The following AFTPH variants were observed in gnomAD, a reference collection of about 807,000 sequenced individuals.
AFTPH encodes aftiphilin protein.
A neutral mutation model predicts 72.5 loss-of-function variants in AFTPH; 7 were observed. The ratio of observed to expected loss-of-function variants is 0.10; its 90% confidence interval spans 0.05 to 0.18. The LOEUF (loss-of-function observed/expected upper bound fraction) is 0.18. Among genes scored for constraint, AFTPH ranks in the 10% least tolerant of loss-of-function variants. The probability of loss-of-function intolerance (pLI) is 1.00; values close to 1 mark genes in which losing one functional copy is unlikely to be tolerated. For missense variants in AFTPH, 979 were observed against 1,060.5 expected, an observed-to-expected ratio of 0.92 and a Z score of 1.07; for synonymous variants, 337 against 370.1, an observed-to-expected ratio of 0.91 and a Z score of 1.03.
intron 3 of AFTPH, among the ~76,000 whole-genome samples, chr2:64,568,261 T>C (rs1408978236): frequency 6.6e-6 from 1 of 151,816 alleles, no homozygotes; most frequent in African/African-American, 2.4e-5. Flanking sequence ...TAATTTCTTA[T>C]TTGGCATTTT....
At position 64,570,534 on chromosome 2, in the gene AFTPH, T is replaced by G. The variant is rs556676567; in HGVS notation, c.2271+855T>G. 7.9e-5 allele frequency among the ~76,000 whole-genome samples: 12 copies of G among 152,366 alleles called. No homozygotes were observed. The East Asian group carries it at 2.3e-3, about 29-fold the overall frequency. On this transcript the variant is annotated intron_variant, in intron 5 of 8. Transcript: ENST00000238856. The stretch of plus-strand genomic sequence containing the variant: ...GGATTTTCTAGAGTTTTGGTTTTTT[T>G]AAAATCTGTTTACTCCTTTGTAAAT...
intron 6 of AFTPH, among the ~76,000 whole-genome samples, chr2:64,575,779 C>T (rs1672741845): frequency 6.7e-6 from 1 of 148,944 alleles, no homozygotes; most frequent in Admixed American, 6.8e-5. Context: ...TGCTCTGTCA[C>T]CCAGGCTGGA....
chr2:64,572,905 T>C, intron 5 of AFTPH, 41 bp from the exon 6 acceptor site: 1 of 1,612,072 alleles, frequency 6.2e-7, no homozygotes, highest in Non-Finnish European at 8.5e-7. Flanking sequence ...TTATGGGCTG[T>C]GCACCCCCAT....
intron 6 of AFTPH, among the ~76,000 whole-genome samples, chr2:64,576,902 G>GCACCTGC (rs3836065): frequency 0.11 from 16,475 of 151,940 alleles, 2,505 homozygotes; most frequent in African/African-American, 0.33. Context: ...GGGATTGCAG[G>GCACCTGC]CACCTGCCAC....
intron 1 of AFTPH, among the ~76,000 whole-genome samples, chr2:64,550,304 G>T (rs571915763): frequency 8.5e-5 from 13 of 152,254 alleles, no homozygotes; most frequent in Middle Eastern, 3.4e-3. Context: ...GGAGGCTGAG[G>T]CAGGAGGATT....
intron 2 of AFTPH, among the ~76,000 whole-genome samples, chr2:64,565,938 G>A (rs898361689): frequency 3.3e-5 from 5 of 152,194 alleles, no homozygotes; most frequent in African/African-American, 1.2e-4. Flanking sequence ...TTGCCCAAGT[G>A]GTTGGATGTG....
At chr2:64,570,302 A>T (rs1438186148) in intron 5 of AFTPH, among the ~76,000 whole-genome samples, 3 of 152,334 alleles carry the variant, frequency 2.0e-5, no homozygotes, top group Middle Eastern at 3.4e-3. Context: ...ATGAATAAAA[A>T]TGCCCCATCA....
intron 1 of AFTPH, among the ~76,000 whole-genome samples, chr2:64,548,069 G>C (rs1292660445): frequency 6.7e-6 from 1 of 150,122 alleles, no homozygotes; most frequent in African/African-American, 2.4e-5. Context: ...GGGATTACAG[G>C]TGTGAGCCAC....
intron 8 of AFTPH, 140 bp from the exon 10 acceptor site, chr2:64,591,748 C>A: frequency 1.2e-6 from 1 of 850,510 alleles, no homozygotes; most frequent in Non-Finnish European, 1.8e-6. Context: ...AAAAGTATTA[C>A]AAGATTCAGG....
At chr2:64,530,922 C>T (rs188031407) in intron 1 of AFTPH, among the ~76,000 whole-genome samples, 219 of 151,864 alleles carry the variant, frequency 1.4e-3, no homozygotes, top group African/African-American at 4.5e-3. Flanking sequence ...ATTAGCCAGG[C>T]GTGGTGTCAG....
chr2:64,592,588 A>T (rs1558637788), exon 9 of AFTPH: 1 of 147,942 alleles, frequency 6.8e-6, no homozygotes, highest in Non-Finnish European at 1.5e-5. Flanking sequence ...TTGCTGTTTG[A>T]CCTTTTGCAA....
intron 8 of AFTPH, among the ~76,000 whole-genome samples, chr2:64,589,829 T>C (rs973976216): frequency 6.6e-6 from 1 of 151,836 alleles, no homozygotes; most frequent in Non-Finnish European, 1.5e-5. Context: ...TTTAGAAAGT[T>C]AGGAAATCCG....
intron 1 of AFTPH, among the ~76,000 whole-genome samples, chr2:64,542,174 T>A (rs112634251): frequency 1.2e-4 from 18 of 152,284 alleles, no homozygotes; most frequent in African/African-American, 3.4e-4. Context: ...GTTTTTAACT[T>A]GTCTGGAAAG....
rs569453754 is a variant in AFTPH, at chr2:64,589,596, C to G, written c.2580-2289C>G. 3.0e-3 allele frequency among the ~76,000 whole-genome samples: 458 copies of G among 151,750 alleles called. 10 individuals carry two copies. In the South Asian group the frequency reaches 0.037, roughly 12 times the overall value. On this transcript the variant is annotated intron_variant, in intron 8 of 8. Coordinates refer to ENST00000238856, the Ensembl canonical transcript of AFTPH. ...ATGCACAAACTATGAACTGTGTAAACTTTTTATTTTAAAATATAATTTCAT... is the reference window on the plus strand; with the variant it reads ...ATGCACAAACTATGAACTGTGTAAAGTTTTTATTTTAAAATATAATTTCAT...
chr2:64,582,501 A>C (rs1424896141), intron 7 of AFTPH, among the ~76,000 whole-genome samples: 1 of 152,226 alleles, frequency 6.6e-6, no homozygotes, highest in Non-Finnish European at 1.5e-5. Flanking sequence ...ATAAAAAACC[A>C]ATCTGTCTGG....
chr2:64,551,632 C>G, exon 2 of AFTPH: 2 of 1,614,022 alleles, frequency 1.2e-6, no homozygotes. Flanking sequence ...CCAGATTATA[C>G]TCGTCCCAAG....
At chr2:64,545,734 G>T (rs1005539140) in intron 1 of AFTPH, among the ~76,000 whole-genome samples, 1 of 151,574 alleles carries the variant, frequency 6.6e-6, no homozygotes, top group East Asian at 1.9e-4. Flanking sequence ...AAATTGTGGC[G>T]ATGGAGAACA....
chr2:64,564,774 G>A (rs1671955363), intron 2 of AFTPH, among the ~76,000 whole-genome samples: 1 of 151,754 alleles, frequency 6.6e-6, no homozygotes, highest in Non-Finnish European at 1.5e-5. Flanking sequence ...CCCAAAACAA[G>A]ATAGTGGTGA....
At chr2:64,563,304 TGAAAA>T (rs902435101) in intron 2 of AFTPH, among the ~76,000 whole-genome samples, 9 of 152,176 alleles carry the variant, frequency 5.9e-5, no homozygotes, top group African/African-American at 2.2e-4. Flanking sequence ...GTAAAACAGA[TGAAAA>T]TAATATATGT....
Sources: allele counts gnomAD v4.1 joint callset (sites outside exome capture counted in the v4.1 genomes callset), GRCh38; gene constraint gnomAD v4.1.1; transcripts MANE v1.5; gene names NCBI Gene and HGNC (gene_info 2026-07-23, HGNC 2026-07-21).